CRMP1: variants seen among roughly 807,000 people sequenced by gnomAD.
The protein encoded by CRMP1 is dihydropyrimidinase-related protein 1.
In CRMP1, 19 loss-of-function variants were observed where a neutral mutation model predicts 68.3. The observed-to-expected ratio is 0.28, with a 90% CI of 0.19 to 0.41. The LOEUF (loss-of-function observed/expected upper bound fraction) is 0.41. CRMP1 is among the 10% of genes least tolerant of loss of function. The pLI, the probability that CRMP1 is intolerant of heterozygous loss-of-function variation, is 1.00. For synonymous variants in CRMP1, 439 were observed against 399.6 expected (o/e 1.10, Z -1.18); for missense variants, 791 against 967.4 (o/e 0.82, Z 2.42).
At position 5,828,674 on chromosome 4, in the gene CRMP1, C is replaced by G; in HGVS notation, c.1624-6G>C. The G allele has an allele frequency of 1.9e-6, 3 of 1,612,856 alleles. No homozygotes were observed. Among genetic ancestry groups the G allele is most frequent in the Non-Finnish European group, 2.5e-6 (3 of 1,178,978 alleles). On this transcript the variant is annotated splice_region_variant and splice_polypyrimidine_tract_variant and intron_variant, in intron 11 of 13. Transcript: ENST00000324989. ...AAGATGTTGTACTCCACCGCCTGCA[C>G]CAACAGCCTCAGTGTTACTTCCCAG... is the stretch of plus-strand genomic sequence containing the variant.
Position 5,838,345 on chromosome 4 carries a change from G to A in CRMP1, c.1310+1177C>T, listed in dbSNP as rs1720866887. Among the ~76,000 whole-genome samples the A allele has an allele frequency of 6.6e-6, 1 of 152,090 alleles. No individual in the cohort carries two copies. Among genetic ancestry groups the A allele is most frequent in the African/African-American group, 2.4e-5 (1 of 41,394 alleles). On this transcript the variant is annotated intron_variant, in intron 9 of 13. Transcript: ENST00000324989. The surrounding 1 kb of genome is among the most constrained non-coding windows in gnomAD (Gnocchi z 4.9). ...GAGTTCTGCCTTGTTGGATGTTGCAGGGACTTGGGTTTCACTGGCAGAGGA... is the reference window on the plus strand; with the variant it reads ...GAGTTCTGCCTTGTTGGATGTTGCAAGGACTTGGGTTTCACTGGCAGAGGA...
rs1711556862 is a variant in CRMP1 at position 5,839,676 on chromosome 4, G to T, written c.1156C>A (p.Pro386Thr). ...DIIALARKKG[P>T]LVFGEPIAAS... is the part of the protein sequence containing the mutation. ...GCAATGGGCTCTCCAAAAACTAGGG[G>T]CCCTTAGGAGGGGAAAACATAAGCC... Residue 386 changes from proline to threonine, a missense_variant and splice_region_variant, in exon 9 of 14, where the codon CCC becomes ACC. Around this residue, in one of 3 missense-constraint regions of CRMP1, gnomAD observed 594 missense variants for 763.6 expected, o/e 0.78. Transcript: ENST00000324989. The T allele has an allele frequency of 1.9e-6, 3 of 1,599,826 alleles. No individual in the cohort carries two copies. Among genetic ancestry groups the T allele is most frequent in the Non-Finnish European group, 2.5e-6 (3 of 1,176,666 alleles).
chr4:5,839,886 G>A (rs914029433), intron 8 of CRMP1, among the ~76,000 whole-genome samples: 5 of 152,240 alleles, frequency 3.3e-5, no homozygotes, highest in African/African-American at 4.8e-5. Context: ...GCCCCGCCAC[G>A]CGCTCCATGG....
chr4:5,856,305 C>T lies in CRMP1; in HGVS notation c.658G>A (p.Asp220Asn). ...GACCCAGGTTCAGGAACAACATGGT[C>T]AACTGGGACAGAGAAATATGCATCA... ...ALVGGTTMII[D>N]HVVPEPGSSL... Residue 220 changes from aspartate to asparagine, a missense_variant and splice_region_variant, in exon 4 of 14, where the codon GAC (aspartate) becomes AAC (asparagine). By Grantham distance (23) the Asp-to-Asn change is conservative. Transcript: ENST00000324989. 6.2e-7 allele frequency: 1 copy of T among 1,613,358 alleles called. No homozygotes were observed. Among genetic ancestry groups the T allele is most frequent in the Non-Finnish European group, 8.5e-7 (1 of 1,179,644 alleles).
chr4:5,825,875 A>G lies in CRMP1; in HGVS notation c.1804-216T>C, dbSNP rs1170073364. 6 of 518,296 alleles carry G rather than the reference A, an allele frequency of 1.2e-5. No individual in the cohort carries two copies. Among genetic ancestry groups the G allele is most frequent in the Non-Finnish European group, 1.4e-5 (4 of 291,222 alleles). 32.1% of individuals were successfully genotyped at this position (518,296 alleles called of 1,614,324 possible). On this transcript the variant is annotated intron_variant, in intron 12 of 13. Coordinates refer to ENST00000324989, the MANE Select transcript of CRMP1 (RefSeq NM_001014809.3). The surrounding 1 kb of genome is among the most constrained non-coding windows in gnomAD (Gnocchi z 4.4). ...CACAAGCATGCATACACACACATCTACATACCCACATGCATACACATACAG... is the reference window on the plus strand; with the variant it reads ...CACAAGCATGCATACACACACATCTGCATACCCACATGCATACACATACAG...
chr4:5,822,264 C>G (rs184674357), intron 13 of CRMP1, among the ~76,000 whole-genome samples: 197 of 152,340 alleles, frequency 1.3e-3, no homozygotes, highest in East Asian at 5.8e-4. Context: ...ATTTGAGGTT[C>G]AGGCCACGTG....
chr4:5,856,109 T>C (rs1371304694), intron 4 of CRMP1, 34 bp downstream of exon 4: 1 of 1,609,944 alleles, frequency 6.2e-7, no homozygotes, highest in Non-Finnish European at 8.5e-7. Context: ...GAACAAGGGA[T>C]TCCCCAAAAC....
chr4:5,871,797 A>C (rs1309658822), intron 1 of CRMP1, among the ~76,000 whole-genome samples: 1 of 152,256 alleles, frequency 6.6e-6, no homozygotes, highest in Non-Finnish European at 1.5e-5. Context: ...TTGAGTTGAT[A>C]TCTTTTCCAA....
intron 13 of CRMP1, among the ~76,000 whole-genome samples, chr4:5,822,083 T>G (rs1044893234): frequency 6.6e-6 from 1 of 152,248 alleles, no homozygotes; most frequent in Non-Finnish European, 1.5e-5. Context: ...CCTTGTGGTG[T>G]TCTTGTCAAA....
rs1418688843 is a variant in CRMP1 at position 5,850,913 on chromosome 4, G to C, written c.882+495C>G. On this transcript the variant is annotated intron_variant, in intron 5 of 13. Coordinates refer to ENST00000324989, the MANE Select transcript of CRMP1 (RefSeq NM_001014809.3). This position sits in a 1 kb window ranked among gnomAD's most constrained non-coding sequence, Gnocchi z 4.4. The stretch of plus-strand genomic sequence containing the variant: ...TGTACATAATAATTGTTTGCTGTTG[G>C]CAGGGCCAGAAATGTTCCATCTTAC... Among the ~76,000 whole-genome samples, 1 of 152,188 alleles carries C rather than the reference G, an allele frequency of 6.6e-6. No individual in the cohort carries two copies. The highest frequency in any genetic ancestry group is 1.5e-5 in the Non-Finnish European group (1 of 68,040).
intron 1 of CRMP1, among the ~76,000 whole-genome samples, chr4:5,884,395 C>A (rs1007112496): frequency 9.3e-5 from 14 of 151,344 alleles, no homozygotes; most frequent in South Asian, 2.1e-4. Context: ...ACACACACCC[C>A]CACACCCACA....
chr4:5,888,544 C>G lies in CRMP1; in HGVS notation c.381+4045G>C. ...CGGGAGGAGGGGGCTGCAGACAGCT[C>G]CTCCCGGCGGCGCGGAGCGAAGCCG... On this transcript the variant is annotated intron_variant, in intron 1 of 13. Transcript: ENST00000324989. This position sits in a 1 kb window ranked among gnomAD's most constrained non-coding sequence, Gnocchi z 6.4. The G allele has an allele frequency of 8.7e-7, 1 of 1,153,212 alleles. No homozygotes were observed. Among genetic ancestry groups the G allele is most frequent in the Middle Eastern group, 3.5e-4 (1 of 2,832 alleles). 71.4% of individuals were successfully genotyped at this position (1,153,212 alleles called of 1,614,324 possible).
At position 5,890,736 on chromosome 4, in the gene CRMP1, A is replaced by T. The variant is rs1005925828; in HGVS notation, c.381+1853T>A. On this transcript the variant is annotated intron_variant, in intron 1 of 13. Transcript: ENST00000324989. The surrounding 1 kb of genome is among the most constrained non-coding windows in gnomAD (Gnocchi z 5.5). ...GAGAGGTGAAGCGACCAGCGTCCCCAAGGGTCAGGGCGCAGCTGCGGGGCT... is the reference window on the plus strand; with the variant it reads ...GAGAGGTGAAGCGACCAGCGTCCCCTAGGGTCAGGGCGCAGCTGCGGGGCT... Among the ~76,000 whole-genome samples the T allele has an allele frequency of 5.3e-5, 8 of 152,154 alleles. No homozygotes were observed. Among genetic ancestry groups the T allele is most frequent in the Middle Eastern group, 3.4e-3 (1 of 294 alleles).
chr4:5,869,353 G>A (rs1407894632), intron 1 of CRMP1, among the ~76,000 whole-genome samples: 4 of 152,130 alleles, frequency 2.6e-5, no homozygotes, highest in African/African-American at 4.8e-5. Flanking sequence ...AAGACACAGT[G>A]TCTGCCCTGA....
rs1405394800 is a variant in CRMP1 at position 5,891,991 on chromosome 4, GT to G, written c.381+597del. Among the ~76,000 whole-genome samples the G allele has an allele frequency of 2.0e-5, 3 of 152,174 alleles. No homozygotes were observed. The highest frequency in any genetic ancestry group is 4.4e-5 in the Non-Finnish European group (3 of 68,038). On this transcript the variant is annotated intron_variant, in intron 1 of 13. Transcript: ENST00000324989. The surrounding 1 kb of genome is among the most constrained non-coding windows in gnomAD (Gnocchi z 5.2). ...AATCTACTGGCGCTTGAGGGTAGGG[GT>G]TTACGGCTCCAACTGCCCGACGAAC...
At chr4:5,849,692 G>A (rs1712479036) in intron 5 of CRMP1, among the ~76,000 whole-genome samples, 1 of 152,180 alleles carries the variant, frequency 6.6e-6, no homozygotes, top group Non-Finnish European at 1.5e-5. Flanking sequence ...AGGAAGCTGA[G>A]GATGGGGCAC....
chr4:5,836,828 G>C lies in CRMP1; in HGVS notation c.1389C>G (p.Thr463=), dbSNP rs146972312. The C allele has an allele frequency of 3.5e-5, 57 of 1,614,038 alleles. No individual in the cohort carries two copies. The highest frequency in any genetic ancestry group is 4.2e-5 in the Non-Finnish European group (50 of 1,180,042). ...TCCCGTTGACACCCTCGGGGATCAG[G>C]GTAAAGTTGTCCTTGCCCACCGCCT... ...AQKAVGKDNF[T]LIPEGVNGIE... is the part of the protein sequence containing the mutation. Residue 463 remains threonine (T), a synonymous_variant, in exon 10 of 14, where the codon ACC becomes ACG. Transcript: ENST00000324989.
In CRMP1 at chr4:5,828,476, C is replaced by A. The variant is rs764418033; in HGVS notation, c.1803+13G>T. 2.2e-5 allele frequency: 36 copies of A among 1,611,648 alleles called. No homozygotes were observed. Among genetic ancestry groups the A allele is most frequent in the Non-Finnish European group, 3.0e-5 (35 of 1,178,186 alleles). ...TCCCACGGGTGGGCCCGCTCCCCTG[C>A]AGACACACTCACCTTATTCCTGATT... On this transcript the variant is annotated intron_variant, in intron 12 of 13. Coordinates refer to ENST00000324989, the MANE Select transcript of CRMP1 (RefSeq NM_001014809.3).
At position 5,849,537 on chromosome 4, in the gene CRMP1, T is replaced by A; in HGVS notation, c.883-65A>T. ...AAAAAAAAAAATCACAGCGTGTGCA[T>A]TCATGAAGACCGTTCCGATCACACC... On this transcript the variant is annotated intron_variant, in intron 5 of 13. Transcript: ENST00000324989. 2.6e-6 allele frequency: 3 copies of A among 1,135,822 alleles called. No homozygotes were observed. The South Asian group carries it at 3.9e-5, about 15-fold the overall frequency. 70.4% of individuals were successfully genotyped at this position (1,135,822 alleles called of 1,614,324 possible). A position where few individuals can be genotyped will look rare whatever the true frequency, so the allele number is the denominator to read the frequency against.
Sources: gnomAD v4.1 joint callset for allele counts (sites outside exome capture counted in the v4.1 genomes callset) on GRCh38, gnomAD v4.1.1 for gene constraint, gnomAD v4.1.1 regional missense constraint, Gnocchi (gnomAD v3.1) non-coding constraint, MANE v1.5 for transcripts, NCBI Gene and HGNC (gene_info 2026-07-23, HGNC 2026-07-21) for gene names.